SLCO1A2: variants seen among roughly 807,000 people sequenced by gnomAD.
SLCO1A2 encodes OATP-1.
SLCO1A2 carries 67 observed loss-of-function variants against 69.0 expected under a neutral mutation model. That is an observed-to-expected ratio of 0.97 (90% CI 0.80 to 1.19). The LOEUF is 1.19. SLCO1A2 is among the 50% of genes most tolerant of loss of function. The probability of loss-of-function intolerance (pLI) is 0.00; values close to 1 mark genes in which losing one functional copy is unlikely to be tolerated. For synonymous variants in SLCO1A2, 260 were observed against 265.9 expected (o/e 0.98, Z 0.22); for missense variants, 787 against 793.7 (o/e 0.99, Z 0.10).
intron 2 of SLCO1A2, among the ~76,000 whole-genome samples, chr12:21,361,107 C>G (rs1424905633): frequency 6.6e-6 from 1 of 152,204 alleles, no homozygotes; most frequent in Non-Finnish European, 1.5e-5. Context: ...TCCCTGACCC[C>G]TGAGTAGCCT....
At chr12:21,337,083 A>T (rs1952915411), upstream of SLCO1A2, among the ~76,000 whole-genome samples, 1 of 152,002 alleles carries the variant, frequency 6.6e-6, no homozygotes, top group South Asian at 2.1e-4. Flanking sequence ...TAAAAAACAC[A>T]CAAATAAGAG....
intron 14 of SLCO1A2, chr12:21,274,191 C>T: frequency 3.4e-6 from 1 of 297,828 alleles, no homozygotes; most frequent in Non-Finnish European, 6.4e-6. Flanking sequence ...CCATTACCTT[C>T]AATATTGTGT....
At chr12:21,385,457 T>A (rs1940831023) in intron 1 of SLCO1A2, among the ~76,000 whole-genome samples, 1 of 152,192 alleles carries the variant, frequency 6.6e-6, no homozygotes, top group Non-Finnish European at 1.5e-5. Flanking sequence ...CTCATCAATA[T>A]CAACTAACAG....
At chr12:21,358,567 T>C (rs977567977) in intron 2 of SLCO1A2, among the ~76,000 whole-genome samples, 18 of 152,182 alleles carry the variant, frequency 1.2e-4, no homozygotes, top group Non-Finnish European at 2.4e-4. Flanking sequence ...TTGTGTATAG[T>C]TCTATCATCA....
At position 21,361,799 on chromosome 12, in the gene SLCO1A2, T is replaced by C. The variant is rs563616480; in HGVS notation, c.-63+12600A>G. Among the ~76,000 whole-genome samples the C allele has an allele frequency of 3.5e-3, 531 of 152,190 alleles. 4 individuals are homozygous for C. The highest frequency in any genetic ancestry group is 0.012 in the African/African-American group (503 of 41,520). ...CAAATAGAAGAAAGGGTATCAGTGA[T>C]TGAAGATCAAATGAATGAAATGCAG... is the stretch of plus-strand genomic sequence containing the variant. On this transcript the variant is annotated intron_variant, in intron 2 of 15. Transcript: ENST00000307378.
chr12:21,378,548 C>CA (rs1407561932), intron 1 of SLCO1A2: 2 of 777,970 alleles, frequency 2.6e-6, no homozygotes, highest in Non-Finnish European at 4.4e-6. Context: ...GTTGCTAGGA[C>CA]ATATACCTTC....
chr12:21,370,415 G>C (rs1348185245), intron 2 of SLCO1A2, among the ~76,000 whole-genome samples: 2 of 151,110 alleles, frequency 1.3e-5, no homozygotes, highest in African/African-American at 2.4e-5. Context: ...TGCCATGTTG[G>C]TGTGCTGCAC....
intron 1 of SLCO1A2, among the ~76,000 whole-genome samples, chr12:21,387,824 G>C (rs1351258109): frequency 6.6e-6 from 1 of 152,134 alleles, no homozygotes; most frequent in Non-Finnish European, 1.5e-5. Flanking sequence ...CGTGCACCTG[G>C]AAAAGCCACA....
chr12:21,355,265 G>A (rs1346455776), intron 2 of SLCO1A2, among the ~76,000 whole-genome samples: 3 of 152,094 alleles, frequency 2.0e-5, no homozygotes, highest in Admixed American at 6.6e-5. Flanking sequence ...TCTTTAAAAT[G>A]TGCATACACA....
chr12:21,361,252 C>T (rs1252681859), intron 2 of SLCO1A2, among the ~76,000 whole-genome samples: 1 of 152,228 alleles, frequency 6.6e-6, no homozygotes, highest in Non-Finnish European at 1.5e-5. Flanking sequence ...TCAGCCTCCG[C>T]TGGTGATACC....
intron 12 of SLCO1A2, among the ~76,000 whole-genome samples, chr12:21,277,445 G>T (rs1944074506): frequency 6.6e-6 from 1 of 151,928 alleles, no homozygotes; most frequent in Non-Finnish European, 1.5e-5. Context: ...GTGCTGTATT[G>T]AGATGAGACT....
At chr12:21,359,866 T>C (rs569050437) in intron 2 of SLCO1A2, among the ~76,000 whole-genome samples, 3 of 152,322 alleles carry the variant, frequency 2.0e-5, no homozygotes, top group African/African-American at 7.2e-5. Flanking sequence ...GCTTTATTTG[T>C]AATAGCCTCA....
At chr12:21,319,311 C>CA (rs1951283014) in intron 2 of SLCO1A2, 1 of 1,350,598 alleles carries the variant, frequency 7.4e-7, no homozygotes, top group African/African-American at 1.5e-5. Context: ...TATACAAAGA[C>CA]ATTATTTCGG....
rs542000292 is a variant in SLCO1A2, at chr12:21,365,199, A to G, written c.-63+9200T>C. Among the ~76,000 whole-genome samples the G allele has an allele frequency of 8.5e-5, 13 of 152,300 alleles. No individual in the cohort carries two copies. The South Asian group carries it at 2.5e-3, about 29-fold the overall frequency. On this transcript the variant is annotated intron_variant, in intron 2 of 15. Transcript: ENST00000307378. ...GCATGGTACTGGTACCAAAACAGAGATATAGACCAATGGAACAGAATAGAG... is the reference window on the plus strand; with the variant it reads ...GCATGGTACTGGTACCAAAACAGAGGTATAGACCAATGGAACAGAATAGAG...
At chr12:21,281,096 T>C (rs1454149419) in intron 12 of SLCO1A2, among the ~76,000 whole-genome samples, 1 of 151,726 alleles carries the variant, frequency 6.6e-6, no homozygotes, top group Non-Finnish European at 1.5e-5. Flanking sequence ...GTGAAAGCAG[T>C]ACTAAGAAGG....
chr12:21,278,923 T>G (rs1007925289), intron 12 of SLCO1A2, among the ~76,000 whole-genome samples: 25 of 152,220 alleles, frequency 1.6e-4, no homozygotes, highest in African/African-American at 5.8e-4. Context: ...TCAAAATGGC[T>G]ATTTTGAGGA....
intron 2 of SLCO1A2, among the ~76,000 whole-genome samples, chr12:21,333,778 T>C (rs1194881328): frequency 1.3e-5 from 2 of 152,124 alleles, no homozygotes; most frequent in Non-Finnish European, 2.9e-5. Context: ...TATTACCCTT[T>C]TCAGATGAGA....
chr12:21,357,481 A>C (rs1269970912), intron 2 of SLCO1A2, among the ~76,000 whole-genome samples: 1 of 152,150 alleles, frequency 6.6e-6, no homozygotes, highest in African/African-American at 2.4e-5. Context: ...TGAAACTATA[A>C]ATTTCTGTTG....
chr12:21,372,278 AT>A lies in SLCO1A2; in HGVS notation c.-63+2120del, dbSNP rs371793334. ...TCTCTATCTAAGTGCTGAAAAATGAATTTTTTTATTCATTTGGTTATGTAGC... is the reference window on the plus strand; with the variant it reads ...TCTCTATCTAAGTGCTGAAAAATGAATTTTTTATTCATTTGGTTATGTAGC... On this transcript the variant is annotated intron_variant, in intron 2 of 15. Transcript: ENST00000307378. Among the ~76,000 whole-genome samples, 497 of 152,134 alleles carry A rather than the reference AT, an allele frequency of 3.3e-3. 3 individuals carry two copies. The highest frequency in any genetic ancestry group is 0.012 in the African/African-American group (482 of 41,494).
Sources: allele counts gnomAD v4.1 joint callset (sites outside exome capture counted in the v4.1 genomes callset), GRCh38; gene constraint gnomAD v4.1.1; transcripts MANE v1.5; gene names NCBI Gene and HGNC (gene_info 2026-07-23, HGNC 2026-07-21).